Variants in PDZD8 observed in about 807,000 individuals in gnomAD.
PDZD8 encodes the protein PDZ domain containing 8.
A neutral mutation model predicts 85.8 loss-of-function variants in PDZD8; 14 were observed. That is an observed-to-expected ratio of 0.16 (90% CI 0.11 to 0.26). PDZD8 has a LOEUF of 0.26. Among genes scored for constraint, PDZD8 ranks in the 10% least tolerant of loss-of-function variants. The pLI is 1.00. For synonymous variants in PDZD8, 592 were observed against 568.6 expected (o/e 1.04, Z -0.59); for missense variants, 1,197 against 1,424.3 (o/e 0.84, Z 2.57).
intron 1 of PDZD8, among the ~76,000 whole-genome samples, chr10:117,369,785 G>A (rs1413002946): frequency 6.6e-6 from 1 of 152,168 alleles, no homozygotes; most frequent in Admixed American, 6.5e-5. Context: ...GAGAAATGCA[G>A]CACTGGCGCT....
chr10:117,308,611 G>C (rs1843984760), intron 3 of PDZD8, among the ~76,000 whole-genome samples: 2 of 152,074 alleles, frequency 1.3e-5, no homozygotes, highest in Admixed American at 6.6e-5. Context: ...CATAGAGCGA[G>C]AGTGGAAAAA....
At chr10:117,320,319 C>T (rs1844208008) in intron 2 of PDZD8, among the ~76,000 whole-genome samples, 1 of 152,188 alleles carries the variant, frequency 6.6e-6, no homozygotes, top group South Asian at 2.1e-4. Flanking sequence ...GACAAAACTG[C>T]ACCAGCTAGT....
intron 2 of PDZD8, among the ~76,000 whole-genome samples, chr10:117,324,915 C>T (rs1250803014): frequency 6.6e-6 from 1 of 152,134 alleles, no homozygotes; most frequent in Non-Finnish European, 1.5e-5. Flanking sequence ...CATCTGATCC[C>T]TCCAGATTTT....
intron 1 of PDZD8, among the ~76,000 whole-genome samples, chr10:117,358,540 C>T (rs1844940713): frequency 6.6e-6 from 1 of 152,110 alleles, no homozygotes; most frequent in South Asian, 2.1e-4. Context: ...CTGCATTCCA[C>T]ACCTATTTTT....
At position 117,375,106 on chromosome 10, in the gene PDZD8, G is replaced by C; in HGVS notation, c.122C>G (p.Ala41Gly). 6.3e-7 allele frequency: 1 copy of C among 1,595,014 alleles called. No individual in the cohort carries two copies. Among genetic ancestry groups the C allele is most frequent in the Non-Finnish European group, 8.5e-7 (1 of 1,175,852 alleles). ...PEPPADEAAR[A>G]GEGFRYIKPV... is the part of the protein sequence containing the mutation. ...CTTGATGTAGCGGAAGCCCTCGCCCGCGCGGGCGGCCTCGTCCGCCGGCGG... is the reference window on the plus strand; with the variant it reads ...CTTGATGTAGCGGAAGCCCTCGCCCCCGCGGGCGGCCTCGTCCGCCGGCGG... The change falls in exon 1 of 5, where the codon GCG (alanine) becomes GGG (glycine). Residue 41 changes from alanine to glycine, a missense_variant. Physicochemically the swap from Ala to Gly is moderately conservative, Grantham distance 60 (BLOSUM62 0). This residue lies in a region of PDZD8 where 172 missense variants were observed against 137.8 expected (regional missense o/e 1.25). Coordinates refer to ENST00000334464, the MANE Select transcript of PDZD8 (RefSeq NM_173791.5).
rs149990664 is a variant in PDZD8, at chr10:117,284,826, G to C, written c.1907C>G (p.Ala636Gly). Residue 636 changes from alanine to glycine, a missense_variant, in exon 5 of 5, where the codon GCA becomes GGA. Physicochemically the swap from Ala to Gly is moderately conservative, Grantham distance 60 (BLOSUM62 0). Coordinates refer to ENST00000334464, the MANE Select transcript of PDZD8 (RefSeq NM_173791.5). ...ATCGTCTATGGCATCCACATTTTTTGCTTGCTTTTCAGCAGATTTATCTAC... is the reference window on the plus strand; with the variant it reads ...ATCGTCTATGGCATCCACATTTTTTCCTTGCTTTTCAGCAGATTTATCTAC... ...PLVDKSAEKQ[A>G]KNVDAIDDAA... 3.1e-6 allele frequency: 5 copies of C among 1,614,130 alleles called. No individual in the cohort carries two copies. The Admixed American group carries it at 5.0e-5, about 16-fold the overall frequency.
chr10:117,335,866 T>C (rs1384714004), intron 2 of PDZD8, among the ~76,000 whole-genome samples: 1 of 152,186 alleles, frequency 6.6e-6, no homozygotes, highest in African/African-American at 2.4e-5. Context: ...ATTATAGGAT[T>C]GAGCAAGTGA....
intron 4 of PDZD8, among the ~76,000 whole-genome samples, chr10:117,286,076 A>G (rs1222270831): frequency 6.6e-6 from 1 of 152,222 alleles, no homozygotes; most frequent in Non-Finnish European, 1.5e-5. Context: ...TAAGGGATAA[A>G]CTGCTTTAAA....
chr10:117,355,625 A>G, intron 1 of PDZD8, among the ~76,000 whole-genome samples: 1 of 144,126 alleles, frequency 6.9e-6, no homozygotes, highest in East Asian at 1.9e-4. Context: ...CCTCAGAGGC[A>G]AAAGGAGGAT....
intron 3 of PDZD8, among the ~76,000 whole-genome samples, chr10:117,303,158 G>A (rs372591692): frequency 2.2e-4 from 34 of 152,304 alleles, no homozygotes; most frequent in East Asian, 5.8e-4. Flanking sequence ...GAAACTTGTC[G>A]AATGGCTTTG....
chr10:117,319,093 A>G, intron 2 of PDZD8, 119 bp from the exon 3 acceptor site: 1 of 679,978 alleles, frequency 1.5e-6, no homozygotes, highest in Non-Finnish European at 2.5e-6. Context: ...AGCTTTAGTA[A>G]CAGAAAAAAA....
Position 117,375,086 on chromosome 10 carries a change from T to G in PDZD8, c.142A>C (p.Ile48Leu), listed in dbSNP as rs1462075078. ...AARAGEGFRY[I>L]KPVPGLLLRE... is the part of the protein sequence containing the mutation. Reference sequence around the variant, plus strand: ...AGGAGCAGGCCCGGCACTGGCTTGATGTAGCGGAAGCCCTCGCCCGCGCGG... The same window carrying G: ...AGGAGCAGGCCCGGCACTGGCTTGAGGTAGCGGAAGCCCTCGCCCGCGCGG... The change falls in exon 1 of 5, where the codon ATC becomes CTC. Residue 48 changes from isoleucine (I) to leucine (L), a missense_variant. Coordinates refer to ENST00000334464, the MANE Select transcript of PDZD8 (RefSeq NM_173791.5). 2.5e-6 allele frequency: 4 copies of G among 1,599,326 alleles called. No homozygotes were observed. The East Asian group carries it at 9.0e-5, about 36-fold the overall frequency.
chr10:117,311,077 G>A (rs1844028419), intron 3 of PDZD8, among the ~76,000 whole-genome samples: 2 of 152,096 alleles, frequency 1.3e-5, no homozygotes, highest in African/African-American at 4.8e-5. Context: ...GGGAAGTAAG[G>A]CAAGTAAAAT....
intron 1 of PDZD8, among the ~76,000 whole-genome samples, chr10:117,342,152 C>T (rs1844624379): frequency 6.6e-6 from 1 of 152,176 alleles, no homozygotes; most frequent in Non-Finnish European, 1.5e-5. Context: ...CATTCATATG[C>T]TCATCACTAA....
At chr10:117,309,604 T>A (rs1178360427) in intron 3 of PDZD8, among the ~76,000 whole-genome samples, 1 of 152,026 alleles carries the variant, frequency 6.6e-6, no homozygotes, top group Non-Finnish European at 1.5e-5. Flanking sequence ...CCACACAGAC[T>A]CTATTTTCCA....
chr10:117,337,907 A>AT (rs1407098650), intron 2 of PDZD8, among the ~76,000 whole-genome samples: 1 of 152,108 alleles, frequency 6.6e-6, no homozygotes, highest in Non-Finnish European at 1.5e-5. Flanking sequence ...AGTAATAAGC[A>AT]TTTTTTTGGT....
intron 3 of PDZD8, among the ~76,000 whole-genome samples, chr10:117,305,485 C>T (rs11197950): frequency 4.9e-3 from 233 of 47,914 alleles, no homozygotes; most frequent in African/African-American, 0.012. Context: ...CACACACACA[C>T]ACACACACAC....
chr10:117,325,936 T>C (rs1304518466), intron 2 of PDZD8, among the ~76,000 whole-genome samples: 1 of 152,118 alleles, frequency 6.6e-6, no homozygotes, highest in Non-Finnish European at 1.5e-5. Flanking sequence ...GTTTCCCCCA[T>C]GCTGTTCTTG....
At chr10:117,321,938 C>T (rs1177729007) in intron 2 of PDZD8, among the ~76,000 whole-genome samples, 1 of 152,102 alleles carries the variant, frequency 6.6e-6, no homozygotes, top group Non-Finnish European at 1.5e-5. Context: ...AATAACCATA[C>T]ATATTAATAA....
Sources: gnomAD v4.1 joint callset for allele counts (sites outside exome capture counted in the v4.1 genomes callset) on GRCh38, gnomAD v4.1.1 for gene constraint, gnomAD v4.1.1 regional missense constraint, MANE v1.5 for transcripts, NCBI Gene and HGNC (gene_info 2026-07-23, HGNC 2026-07-21) for gene names.